ADHFE1: variants seen among roughly 807,000 people sequenced by gnomAD.
ADHFE1 encodes the protein hydroxyacid-oxoacid transhydrogenase, mitochondrial.
ADHFE1 carries 37 observed loss-of-function variants against 54.8 expected under a neutral mutation model. The ratio of observed to expected loss-of-function variants is 0.68; its 90% confidence interval spans 0.52 to 0.89. The LOEUF is 0.89. ADHFE1 is among the 40% of genes least tolerant of loss of function. The pLI is 0.00. For synonymous variants in ADHFE1, 203 were observed against 229.3 expected (o/e 0.89, Z 1.04); for missense variants, 601 against 591.2 (o/e 1.02, Z -0.17).
intron 7 of ADHFE1, among the ~76,000 whole-genome samples, chr8:66,448,352 T>C (rs1421156346): frequency 6.6e-6 from 1 of 152,204 alleles, no homozygotes; most frequent in African/African-American, 2.4e-5. Flanking sequence ...CTAAAGACTT[T>C]TACCTAATAT....
At chr8:66,438,711 C>A (rs1013236588) in intron 1 of ADHFE1, among the ~76,000 whole-genome samples, 2 of 151,738 alleles carry the variant, frequency 1.3e-5, no homozygotes, top group Non-Finnish European at 2.9e-5. Context: ...AAGTTTCAGG[C>A]GCAAAACTCT....
At chr8:66,444,449 TAC>T (rs759707082) in intron 4 of ADHFE1, 29 bp downstream of exon 4, 2 of 1,612,384 alleles carry the variant, frequency 1.2e-6, no homozygotes, top group Admixed American at 3.3e-5. Flanking sequence ...TACGGTCTCC[TAC>T]TGTAAATGTT....
In ADHFE1 at chr8:66,445,355, T is replaced by C; in HGVS notation, c.491T>C (p.Val164Ala). 1 of 1,614,076 alleles carries C rather than the reference T, an allele frequency of 6.2e-7. No homozygotes were observed. Among genetic ancestry groups the C allele is most frequent in the African/African-American group, 1.3e-5 (1 of 75,052 alleles). The part of the protein sequence containing the change: ...SSPHSDFLDY[V>A]SAPIGKGKPV... ...CCTCATTCTGATTTCCTAGATTATG[T>C]CAGTGCCCCCATTGGCAAGGGAAAG... Residue 164 changes from valine (V) to alanine (A), a missense_variant, in exon 6 of 14, where the codon GTC becomes GCC. By Grantham distance (64) the Val-to-Ala change is moderately conservative (BLOSUM62 0). Coordinates refer to ENST00000396623, the MANE Select transcript of ADHFE1 (RefSeq NM_144650.3).
rs1277878830 is a variant in ADHFE1 at position 66,445,226 on chromosome 8, A to C, written c.362A>C (p.Glu121Ala). 4 of 1,600,190 alleles carry C rather than the reference A, an allele frequency of 2.5e-6. No individual in the cohort carries two copies. Reference protein sequence around the residue: ...RVEPTDSSFMEAIEFAQKGAF... With the variant: ...RVEPTDSSFMAAIEFAQKGAF... ...ATTTTCTCTTCTCCAAGCTTCATGG[A>C]AGCTATTGAGTTTGCCCAAAAGGGA... The change falls in exon 6 of 14, where the codon GAA becomes GCA. Residue 121 changes from glutamate to alanine, a missense_variant. By Grantham distance (107) the Glu-to-Ala change is moderately radical. Transcript: ENST00000396623.
chr8:66,447,406 A>T, intron 7 of ADHFE1, 65 bp downstream of exon 7: 1 of 1,301,426 alleles, frequency 7.7e-7, no homozygotes, highest in Non-Finnish European at 1.1e-6. Flanking sequence ...TTAAATCCTA[A>T]TATTTAAAAA....
chr8:66,433,906 TCA>T, intron 1 of ADHFE1, among the ~76,000 whole-genome samples: 1 of 152,342 alleles, frequency 6.6e-6, no homozygotes, highest in Admixed American at 6.5e-5. Flanking sequence ...GAACTCTTTG[TCA>T]CACAACACCA....
In ADHFE1 at chr8:66,457,111, C is replaced by T. The variant is rs772098560; in HGVS notation, c.1107C>T (p.Phe369=). 14 of 1,613,860 alleles carry T rather than the reference C, an allele frequency of 8.7e-6. No individual in the cohort carries two copies. In the East Asian group the frequency reaches 2.2e-4, roughly 26 times the overall value. Residue 369 remains phenylalanine, a synonymous_variant, in exon 12 of 14, where the codon TTC becomes TTT. Coordinates refer to ENST00000396623, the MANE Select transcript of ADHFE1 (RefSeq NM_144650.3). ...TGGTGCTCACGTCCCCAGCGGTGTTCACTTTCACGGCCCAGATGTTTCCAG... is the reference window on the plus strand; with the variant it reads ...TGGTGCTCACGTCCCCAGCGGTGTTTACTTTCACGGCCCAGATGTTTCCAG... The part of the protein sequence containing the change: ...LSVVLTSPAV[F]TFTAQMFPER...
At chr8:66,448,156 C>A (rs996811831) in intron 7 of ADHFE1, among the ~76,000 whole-genome samples, 2 of 152,154 alleles carry the variant, frequency 1.3e-5, no homozygotes, top group Non-Finnish European at 2.9e-5. Flanking sequence ...TTGGCTAATG[C>A]GGTAGAAATG....
At chr8:66,449,869 A>G (rs1235439507) in intron 8 of ADHFE1, among the ~76,000 whole-genome samples, 1 of 152,250 alleles carries the variant, frequency 6.6e-6, no homozygotes, top group Admixed American at 6.5e-5. Flanking sequence ...CTGTATTCCC[A>G]GCACTTTGGG....
chr8:66,438,417 C>G lies in ADHFE1; in HGVS notation c.60-1745C>G, dbSNP rs181054897. On this transcript the variant is annotated intron_variant, in intron 1 of 13. Transcript: ENST00000396623. ...AGGAATGGGCAGAGTGGAAAAGGAG[C>G]CAGTAAAAGAACAATTAGAGGAAGC... Among the ~76,000 whole-genome samples the G allele has an allele frequency of 9.9e-5, 15 of 152,112 alleles. No homozygotes were observed. In the East Asian group the frequency reaches 2.9e-3, roughly 29 times the overall value.
Position 66,439,866 on chromosome 8 carries a change from C to T in ADHFE1, c.60-296C>T. Reference sequence around the variant, plus strand: ...ACCAGAGACCCCCATCTTAAACTTGCATGTACCCCCAGAGCGTTTATCTCA... The same window carrying T: ...ACCAGAGACCCCCATCTTAAACTTGTATGTACCCCCAGAGCGTTTATCTCA... On this transcript the variant is annotated intron_variant, in intron 1 of 13. Coordinates refer to ENST00000396623, the MANE Select transcript of ADHFE1 (RefSeq NM_144650.3). The surrounding 1 kb of genome is among the most constrained non-coding windows in gnomAD (Gnocchi z 4.4). 1 of 853,688 alleles carries T rather than the reference C, an allele frequency of 1.2e-6. No homozygotes were observed. Among genetic ancestry groups the T allele is most frequent in the Non-Finnish European group, 1.6e-6 (1 of 644,646 alleles). 52.9% of individuals were successfully genotyped at this position (853,688 alleles called of 1,614,324 possible).
rs929821471 is a variant in ADHFE1, at chr8:66,439,816, C to A, written c.60-346C>A. 21 of 1,091,716 alleles carry A rather than the reference C, an allele frequency of 1.9e-5. No homozygotes were observed. The highest frequency in any genetic ancestry group is 2.4e-5 in the Non-Finnish European group (21 of 888,296). The allele number at this position is 1,091,716 out of a possible 1,614,324, so 67.6% of individuals were successfully genotyped here. A position where few individuals can be genotyped will look rare whatever the true frequency, so the allele number is the denominator to read the frequency against. ...GCCGATTTGGTCAACGCTCCTAACC[C>A]AGTAAGAGCTGGGGCTTCATGGAGA... On this transcript the variant is annotated intron_variant, in intron 1 of 13. Transcript: ENST00000396623. The surrounding 1 kb of genome is among the most constrained non-coding windows in gnomAD (Gnocchi z 4.4).
chr8:66,450,723 C>A (rs187407542), intron 8 of ADHFE1, among the ~76,000 whole-genome samples: 53 of 152,334 alleles, frequency 3.5e-4, no homozygotes, highest in African/African-American at 1.2e-3. Flanking sequence ...GGATCTGATG[C>A]AGTCTAAATG....
rs1197134907 is a variant in ADHFE1 at position 66,432,580 on chromosome 8, G to A, written c.59+5G>A. 2.3e-6 allele frequency: 3 copies of A among 1,319,926 alleles called. No homozygotes were observed. The highest frequency in any genetic ancestry group is 2.9e-6 in the Non-Finnish European group (3 of 1,028,324). The allele number at this position is 1,319,926 out of a possible 1,614,324, so 81.8% of individuals were successfully genotyped here. On this transcript the variant is annotated splice_donor_5th_base_variant and intron_variant, in intron 1 of 13. Coordinates refer to ENST00000396623, the MANE Select transcript of ADHFE1 (RefSeq NM_144650.3). ...GAGGCAACTGCAACGCGCAGCGTGA[G>A]TGCGGGGCCGGCGGGCGGGCAGGGG...
intron 1 of ADHFE1, among the ~76,000 whole-genome samples, chr8:66,434,766 A>G (rs1805376981): frequency 6.6e-6 from 1 of 152,176 alleles, no homozygotes; most frequent in South Asian, 2.1e-4. Flanking sequence ...CAAGGCGTGC[A>G]CTGGCCAGAG....
chr8:66,433,283 A>G (rs973223921), intron 1 of ADHFE1, among the ~76,000 whole-genome samples: 1 of 152,216 alleles, frequency 6.6e-6, no homozygotes, highest in Non-Finnish European at 1.5e-5. Context: ...CTGGCGAGGA[A>G]CGTCAGGCAG....
intron 8 of ADHFE1, 146 bp from the exon 9 acceptor site, chr8:66,451,807 G>A (rs1017786100): frequency 2.0e-5 from 17 of 843,004 alleles, no homozygotes; most frequent in Non-Finnish European, 3.0e-5. Context: ...GAGGTGGGCT[G>A]GTAGAATGTA....
intron 6 of ADHFE1, 71 bp downstream of exon 6, chr8:66,445,485 A>T: frequency 1.4e-6 from 2 of 1,424,848 alleles, no homozygotes; most frequent in Non-Finnish European, 1.9e-6. Context: ...GATGCAAGCC[A>T]GTCCTTTTAA....
chr8:66,466,236 AT>A (rs575459850), intron 13 of ADHFE1, among the ~76,000 whole-genome samples: 7,798 of 119,522 alleles, frequency 0.065, 234 homozygotes, highest in East Asian at 0.17. Context: ...ACCCAGCTGA[AT>A]TTTTTTTTTT....
Sources: allele counts gnomAD v4.1 joint callset (sites outside exome capture counted in the v4.1 genomes callset), GRCh38; gene constraint gnomAD v4.1.1; non-coding constraint Gnocchi (gnomAD v3.1); transcripts MANE v1.5; gene names NCBI Gene and HGNC (gene_info 2026-07-23, HGNC 2026-07-21).